PPP2R3B: variants seen among roughly 807,000 people sequenced by gnomAD.
The protein encoded by PPP2R3B is protein phosphatase 2 regulatory subunit B''beta.
PPP2R3B carries 68 observed loss-of-function variants against 72.9 expected under a neutral mutation model. The observed-to-expected ratio is 0.93, with a 90% CI of 0.77 to 1.14. PPP2R3B has a LOEUF of 1.14. Ranked by LOEUF, PPP2R3B falls within the 50% of genes most tolerant of loss-of-function variation. The pLI is 0.00. For missense variants in PPP2R3B, 1,018 were observed against 842.0 expected, an observed-to-expected ratio of 1.21 and a Z score of -2.59; for synonymous variants, 466 against 375.8, an observed-to-expected ratio of 1.24 and a Z score of -2.78.
chrX:347,566 C>A, intron 3 of PPP2R3B, 24 bp downstream of exon 3: 1 of 1,555,998 alleles, frequency 6.4e-7, no homozygotes. Context: ...CCCGACACAG[C>A]CCCCTGCCCA....
At chrX:340,521 C>G (rs1465772742) in intron 10 of PPP2R3B, among the ~76,000 whole-genome samples, 1 of 126,334 alleles carries the variant, frequency 7.9e-6, no homozygotes, top group African/African-American at 3.4e-5. Flanking sequence ...GGGCCGTCCC[C>G]CCTCCCGTCC....
rs1278447575 is a variant in PPP2R3B at position 370,167 on chromosome X, A to C, written c.325-8577T>G. Among the ~76,000 whole-genome samples, 4 of 152,162 alleles carry C rather than the reference A, an allele frequency of 2.6e-5. No individual in the cohort carries two copies. The East Asian group carries it at 7.7e-4, about 29-fold the overall frequency. On this transcript the variant is annotated intron_variant, in intron 1 of 12. Transcript: ENST00000390665. ...GTTTACACAGAGGAGCCGAACACGG[A>C]GATGAGAGGCCCCACGTGTGGGTTT...
chrX:382,343 G>A (rs1316004133), intron 1 of PPP2R3B, among the ~76,000 whole-genome samples: 1 of 151,760 alleles, frequency 6.6e-6, no homozygotes, highest in Non-Finnish European at 1.5e-5. Context: ...GATTACAGGT[G>A]CCCACCACCA....
At chrX:340,968 C>T (rs1315268707) in intron 9 of PPP2R3B, 28 bp from the exon 10 acceptor site, 1 of 1,601,414 alleles carries the variant, frequency 6.2e-7, no homozygotes, top group Admixed American at 1.7e-5. Context: ...CTGTCAGCCC[C>T]TGCCCTGGGC....
intron 10 of PPP2R3B, 56 bp from the exon 11 acceptor site, chrX:338,952 T>A (rs1210507276): frequency 6.8e-7 from 1 of 1,462,328 alleles, no homozygotes; most frequent in African/African-American, 1.4e-5. Context: ...CTTCGGGGCC[T>A]GGGTGTGGGG....
At chrX:382,745 C>CCAGCCCAGCCATAAATAAAG (rs1260836217) in intron 1 of PPP2R3B, among the ~76,000 whole-genome samples, 1 of 152,108 alleles carries the variant, frequency 6.6e-6, no homozygotes, top group African/African-American at 2.4e-5. Flanking sequence ...GTCAATATTC[C>CCAGCCCAGCCATAAATAAAG]CAGCCCTAGG....
At chrX:342,009 G>A (rs1181961124) in intron 7 of PPP2R3B, 78 bp from the exon 8 acceptor site, 1 of 1,551,562 alleles carries the variant, frequency 6.4e-7, no homozygotes, top group Non-Finnish European at 8.9e-7. Context: ...GCCGAGACTG[G>A]ATGCGGTGGG....
intron 4 of PPP2R3B, 154 bp downstream of exon 4, chrX:347,080 G>A (rs1305372667): frequency 1.1e-5 from 4 of 362,140 alleles, no homozygotes; most frequent in South Asian, 2.2e-4. Flanking sequence ...TGGTGTAGAC[G>A]CGGGCCCTCC....
intron 9 of PPP2R3B, 149 bp downstream of exon 9, chrX:341,158 G>A: frequency 2.6e-6 from 2 of 759,932 alleles, no homozygotes; most frequent in South Asian, 3.2e-5. Context: ...ATGTCCCCCT[G>A]TGCCGTGCAG....
intron 2 of PPP2R3B, among the ~76,000 whole-genome samples, chrX:356,103 T>C (rs1182675615): frequency 6.6e-6 from 1 of 152,134 alleles, no homozygotes; most frequent in Admixed American, 6.5e-5. Context: ...ACGGGACGCC[T>C]GCACACGCAC....
rs776692735 is a variant in PPP2R3B at position 347,314 on chromosome X, C to T, written c.637G>A (p.Asp213Asn). The change falls in exon 4 of 13, where the codon GAC (aspartate) becomes AAC (asparagine). Residue 213 changes from aspartate to asparagine, a missense_variant. Physicochemically the swap from Asp to Asn is conservative, Grantham distance 23. Transcript: ENST00000390665. Reference protein sequence around the residue: ...WRKILQNCHDDAAKFVHLLMS... With the variant: ...WRKILQNCHDNAAKFVHLLMS... ...AGCAGATGGACGAACTTGGCCGCGT[C>T]GTCGTGGCAGTTCTGGAGGATTCTG... The T allele has an allele frequency of 9.1e-5, 147 of 1,613,660 alleles. No individual in the cohort carries two copies. Among genetic ancestry groups the T allele is most frequent in the Non-Finnish European group, 1.2e-4 (142 of 1,179,772 alleles).
intron 7 of PPP2R3B, among the ~76,000 whole-genome samples, chrX:344,275 GA>G (rs1318422175): frequency 6.9e-6 from 1 of 144,230 alleles, no homozygotes; most frequent in Non-Finnish European, 1.5e-5. Context: ...GCGGGAGTGA[GA>G]CCTCACCAAC....
In PPP2R3B at chrX:338,724, A is replaced by C. The variant is rs2070963824; in HGVS notation, c.1471-14T>G. 1.2e-6 allele frequency: 2 copies of C among 1,611,446 alleles called. No individual in the cohort carries two copies. The highest frequency in any genetic ancestry group is 1.1e-5 in the South Asian group (1 of 91,034). On this transcript the variant is annotated splice_polypyrimidine_tract_variant and intron_variant, in intron 11 of 12. Transcript: ENST00000390665. ...GCTGTCACCGTCCTGGAGGAAGCAC[A>C]CGGGTTACGTACACGGCGTGGCGCG...
At chrX:373,596 A>G (rs2071916656) in intron 1 of PPP2R3B, 2 of 294,288 alleles carry the variant, frequency 6.8e-6, no homozygotes, top group African/African-American at 2.3e-5. Context: ...GCCGCGGGCC[A>G]GTGAGGCCAG....
In PPP2R3B at chrX:364,474, G is replaced by A. The variant is rs1013251324; in HGVS notation, c.325-2884C>T. On this transcript the variant is annotated intron_variant, in intron 1 of 12. Transcript: ENST00000390665. Reference sequence around the variant, plus strand: ...GTCTGAGCTGAGGAGTTCAAGACCAGCCTGGGCAACATGGCAAAACTTCAT... The same window carrying A: ...GTCTGAGCTGAGGAGTTCAAGACCAACCTGGGCAACATGGCAAAACTTCAT... Among the ~76,000 whole-genome samples the A allele has an allele frequency of 5.4e-4, 77 of 141,492 alleles. 3 individuals carry two copies. The highest frequency in any genetic ancestry group is 4.2e-4 in the Non-Finnish European group (28 of 66,592). The allele number at this position is 141,492 out of a possible 152,430, so 92.8% of individuals were successfully genotyped here.
Position 341,630 on chromosome X carries a change from G to A in PPP2R3B, c.1086-234C>T, listed in dbSNP as rs1001696050. 4.7e-6 allele frequency: 3 copies of A among 643,354 alleles called. No individual in the cohort carries two copies. The African/African-American group carries it at 5.5e-5, about 12-fold the overall frequency. 39.9% of individuals were successfully genotyped at this position (643,354 alleles called of 1,614,324 possible). A position where few individuals can be genotyped will look rare whatever the true frequency, so the allele number is the denominator to read the frequency against. ...GTGCACCTTCGTTACTGCTCACTCAGGCCCAGCGCCCGACAAGAACCCCCG... is the reference window on the plus strand; with the variant it reads ...GTGCACCTTCGTTACTGCTCACTCAAGCCCAGCGCCCGACAAGAACCCCCG... On this transcript the variant is annotated intron_variant, in intron 8 of 12. Transcript: ENST00000390665.
intron 7 of PPP2R3B, chrX:342,188 A>G (rs2071094655): frequency 1.3e-5 from 8 of 600,614 alleles, no homozygotes; most frequent in South Asian, 9.9e-5. Context: ...ACTTGTAAAG[A>G]GCAGAATATT....
intron 5 of PPP2R3B, 26 bp from the exon 6 acceptor site, chrX:346,286 G>A (rs1220540894): frequency 5.2e-6 from 8 of 1,544,920 alleles, no homozygotes; most frequent in Middle Eastern, 4.5e-4. Context: ...CAGTGCGGTG[G>A]GTGCGCAGAG....
intron 1 of PPP2R3B, among the ~76,000 whole-genome samples, chrX:379,115 G>T (rs2072063987): frequency 6.6e-6 from 1 of 151,084 alleles, no homozygotes; most frequent in African/African-American, 2.4e-5. Flanking sequence ...ACCTGTGTGT[G>T]CACCTGTGTG....
Sources: gnomAD v4.1 joint callset for allele counts (sites outside exome capture counted in the v4.1 genomes callset) on GRCh38, gnomAD v4.1.1 for gene constraint, MANE v1.5 for transcripts, NCBI Gene and HGNC (gene_info 2026-07-23, HGNC 2026-07-21) for gene names.